RGS6: variants seen among roughly 807,000 people sequenced by gnomAD.
RGS6 encodes regulator of G protein signaling 6.
In RGS6, 30 loss-of-function variants were observed where a neutral mutation model predicts 78.5. That is an observed-to-expected ratio of 0.38 (90% CI 0.29 to 0.52). The LOEUF (loss-of-function observed/expected upper bound fraction) is 0.52. Ranked by LOEUF, RGS6 falls within the 20% of genes least tolerant of loss-of-function variation. The probability of loss-of-function intolerance (pLI) is 0.85; values close to 1 mark genes in which losing one functional copy is unlikely to be tolerated. For missense variants in RGS6, 495 were observed against 609.7 expected, an observed-to-expected ratio of 0.81 and a Z score of 1.98; for synonymous variants, 206 against 206.0, an observed-to-expected ratio of 1.00 and a Z score of 0.00.
intron 2 of RGS6, among the ~76,000 whole-genome samples, chr14:72,049,646 C>T (rs1022774002): frequency 2.0e-5 from 3 of 152,182 alleles, no homozygotes; most frequent in African/African-American, 7.2e-5. Context: ...CTACTGCATT[C>T]ACCCTTAGGA....
At chr14:72,487,055 G>A (rs1242323183) in intron 12 of RGS6, among the ~76,000 whole-genome samples, 1 of 151,996 alleles carries the variant, frequency 6.6e-6, no homozygotes, top group African/African-American at 2.4e-5. Flanking sequence ...AGCAGTTGAG[G>A]CAGCAGACTG....
In RGS6 at chr14:71,973,079, C is replaced by G. The variant is rs541454880; in HGVS notation, c.84+8204C>G. Among the ~76,000 whole-genome samples, 5 of 152,244 alleles carry G rather than the reference C, an allele frequency of 3.3e-5. No homozygotes were observed. The East Asian group carries it at 7.7e-4, about 23-fold the overall frequency. On this transcript the variant is annotated intron_variant, in intron 2 of 17. Transcript: ENST00000553525. Reference sequence around the variant, plus strand: ...CTCCACTAGCTCATTTATGGCCATGCGTAAGTTGTTCCTACTTTTTGTTAA... The same window carrying G: ...CTCCACTAGCTCATTTATGGCCATGGGTAAGTTGTTCCTACTTTTTGTTAA...
chr14:72,070,835 T>A (rs2094382550), intron 2 of RGS6, among the ~76,000 whole-genome samples: 1 of 152,240 alleles, frequency 6.6e-6, no homozygotes, highest in African/African-American at 2.4e-5. Flanking sequence ...TTAACTTACT[T>A]CGCAGGGATT....
Position 72,021,626 on chromosome 14 carries a change from A to G in RGS6, c.84+56751A>G, listed in dbSNP as rs577968883. On this transcript the variant is annotated intron_variant, in intron 2 of 17. Coordinates refer to ENST00000553525, the MANE Select transcript of RGS6 (RefSeq NM_001204424.2). The stretch of plus-strand genomic sequence containing the variant: ...TGGAATTACAGGCGCCTGCCACCAC[A>G]CCTGGCTTATTTTTTTTTGTATTTT... Among the ~76,000 whole-genome samples, 23 of 150,006 alleles carry G rather than the reference A, an allele frequency of 1.5e-4. No individual in the cohort carries two copies. In the East Asian group the frequency reaches 4.3e-3, roughly 28 times the overall value.
chr14:72,274,391 T>C (rs2060370523), intron 2 of RGS6, among the ~76,000 whole-genome samples: 1 of 152,158 alleles, frequency 6.6e-6, no homozygotes. Flanking sequence ...AGGTCATCAG[T>C]GACATGACTA....
chr14:71,962,858 G>A (rs1330633771), intron 1 of RGS6, among the ~76,000 whole-genome samples: 2 of 152,160 alleles, frequency 1.3e-5, no homozygotes, highest in Non-Finnish European at 2.9e-5. Flanking sequence ...ACCTTTGGTA[G>A]CAACTTGTTT....
intron 2 of RGS6, among the ~76,000 whole-genome samples, chr14:71,997,526 T>C (rs1205351283): frequency 1.3e-5 from 2 of 152,198 alleles, no homozygotes; most frequent in African/African-American, 4.8e-5. Flanking sequence ...AGAGCTAGCT[T>C]TGTATCAACT....
intron 2 of RGS6, among the ~76,000 whole-genome samples, chr14:72,335,166 A>G (rs185764571): frequency 2.6e-4 from 40 of 152,254 alleles, no homozygotes; most frequent in African/African-American, 9.4e-4. Flanking sequence ...GCCATATGGA[A>G]CTGTGAGTCA....
intron 2 of RGS6, among the ~76,000 whole-genome samples, chr14:72,214,324 G>T (rs908333925): frequency 2.6e-5 from 4 of 151,866 alleles, no homozygotes; most frequent in Non-Finnish European, 5.9e-5. Flanking sequence ...CCAAAGGCAC[G>T]TGCCACCATG....
chr14:72,230,001 G>C (rs367659543), intron 2 of RGS6, among the ~76,000 whole-genome samples: 2 of 152,176 alleles, frequency 1.3e-5, no homozygotes, highest in African/African-American at 4.8e-5. Context: ...TGTGCAGGGC[G>C]ATGTAGTGTA....
intron 2 of RGS6, among the ~76,000 whole-genome samples, chr14:72,013,040 G>A (rs192120343): frequency 4.6e-5 from 7 of 152,060 alleles, no homozygotes; most frequent in Admixed American, 6.6e-5. Flanking sequence ...GGAGGCTGAC[G>A]TGGGCGGATC....
chr14:72,057,313 GAAAA>G (rs71109718), intron 2 of RGS6, among the ~76,000 whole-genome samples: 2,702 of 55,696 alleles, frequency 0.049, 30 homozygotes, highest in African/African-American at 0.059. Flanking sequence ...GACTCTATCT[GAAAA>G]AAAAAAAAAA....
chr14:72,348,713 A>G (rs1187996823), intron 2 of RGS6, among the ~76,000 whole-genome samples: 1 of 152,232 alleles, frequency 6.6e-6, no homozygotes, highest in African/African-American at 2.4e-5. Flanking sequence ...GTTCTTAGAA[A>G]GGGTGATTCA....
At chr14:72,109,948 C>T (rs2095716247) in intron 2 of RGS6, among the ~76,000 whole-genome samples, 1 of 152,160 alleles carries the variant, frequency 6.6e-6, no homozygotes, top group Non-Finnish European at 1.5e-5. Flanking sequence ...AGACTTCTTC[C>T]ACCCCAATAT....
chr14:72,574,672 C>T, the RGS6 span, among the ~76,000 whole-genome samples: 8 of 152,080 alleles, frequency 5.3e-5, no homozygotes, highest in African/African-American at 1.7e-4. Context: ...TACTGTGATG[C>T]GAGTAAGAGG....
intron 8 of RGS6, among the ~76,000 whole-genome samples, chr14:72,472,078 C>T (rs982785597): frequency 1.3e-5 from 2 of 151,084 alleles, no homozygotes; most frequent in African/African-American, 4.9e-5. Context: ...TAAAGTAAAG[C>T]GTTCCCGAGA....
At chr14:72,440,915 AGT>A (rs2095170640) in intron 3 of RGS6, among the ~76,000 whole-genome samples, 1 of 151,838 alleles carries the variant, frequency 6.6e-6, no homozygotes, top group Non-Finnish European at 1.5e-5. Flanking sequence ...CAGGTGTGTA[AGT>A]GGGTGTGAAT....
intron 3 of RGS6, among the ~76,000 whole-genome samples, chr14:72,391,056 G>C (rs1191180563): frequency 2.6e-5 from 4 of 152,086 alleles, no homozygotes; most frequent in African/African-American, 9.7e-5. Context: ...AATATACTTA[G>C]GCAAATGCAA....
chr14:72,408,962 A>G (rs2093174864), intron 3 of RGS6, among the ~76,000 whole-genome samples: 1 of 152,204 alleles, frequency 6.6e-6, no homozygotes, highest in African/African-American at 2.4e-5. Context: ...TGTAGCAGAA[A>G]GTAGAGTGTA....
Sources: allele counts gnomAD v4.1 joint callset (sites outside exome capture counted in the v4.1 genomes callset), GRCh38; gene constraint gnomAD v4.1.1; transcripts MANE v1.5; gene names NCBI Gene and HGNC (gene_info 2026-07-23, HGNC 2026-07-21).